The following GNB1L variants were observed in gnomAD, a reference collection of about 807,000 sequenced individuals.
GNB1L encodes G protein subunit beta 1 like.
Under a neutral mutation model 29.1 loss-of-function variants are expected in GNB1L, and 20 were observed. The observed-to-expected ratio is 0.69, with a 90% CI of 0.48 to 1.00. The LOEUF (loss-of-function observed/expected upper bound fraction) is 1.00. GNB1L is among the 50% of genes least tolerant of loss of function. GNB1L has a pLI of 0.00. For missense variants in GNB1L, 421 were observed against 464.9 expected (o/e 0.91, Z 0.87); for synonymous variants, 193 against 206.5 (o/e 0.93, Z 0.56).
At chr22:19,806,861 T>C in intron 5 of GNB1L, 104 bp from the exon 6 acceptor site, 1 of 853,290 alleles carries the variant, frequency 1.2e-6, no homozygotes, top group Non-Finnish European at 1.9e-6. Context: ...TGTGAGTTTC[T>C]GTCTGCTCCC....
At chr22:19,796,369 G>A (rs1235566013) in intron 7 of GNB1L, among the ~76,000 whole-genome samples, 5 of 152,202 alleles carry the variant, frequency 3.3e-5, no homozygotes, top group Non-Finnish European at 4.4e-5. Context: ...GTGGACACAC[G>A]GGCCTGGCGC....
In GNB1L at chr22:19,812,268, G is replaced by A. The variant is rs766667874; in HGVS notation, c.417+17C>T. The A allele has an allele frequency of 6.2e-7, 1 of 1,609,696 alleles. No individual in the cohort carries two copies. Among genetic ancestry groups the A allele is most frequent in the Non-Finnish European group, 8.5e-7 (1 of 1,178,014 alleles). On this transcript the variant is annotated intron_variant, in intron 5 of 7. Coordinates refer to ENST00000329517, the MANE Select transcript of GNB1L (RefSeq NM_053004.3). ...ACTGTTTGGAGAACATGGGGCCTCA[G>A]GCAGGCTGGCTCTCACCTCGTCGCT...
chr22:19,810,174 G>A (rs1369667646), intron 5 of GNB1L, among the ~76,000 whole-genome samples: 2 of 152,194 alleles, frequency 1.3e-5, no homozygotes, highest in South Asian at 2.1e-4. Context: ...GGGGCAGGAG[G>A]AGCCGCCCTG....
At position 19,800,707 on chromosome 22, in the gene GNB1L, ACGG is replaced by A. The variant is rs201523115; in HGVS notation, c.732+1291_732+1293del. The stretch of plus-strand genomic sequence containing the variant: ...TGTGCCCCCATCCCCAGGACAGCTG[ACGG>A]ATGGGTGAGGGATGGACACAGCTCT... On this transcript the variant is annotated intron_variant, in intron 7 of 7. Coordinates refer to ENST00000329517, the MANE Select transcript of GNB1L (RefSeq NM_053004.3). Among the ~76,000 whole-genome samples the A allele has an allele frequency of 5.2e-3, 795 of 152,308 alleles. 3 individuals carry two copies. Among genetic ancestry groups the A allele is most frequent in the African/African-American group, 0.018 (744 of 41,558 alleles).
intron 2 of GNB1L, among the ~76,000 whole-genome samples, chr22:19,843,972 G>A (rs1457132864): frequency 6.6e-6 from 1 of 152,168 alleles, no homozygotes; most frequent in African/African-American, 2.4e-5. Context: ...CACTGCCTCA[G>A]GCCAGGGGCC....
At chr22:19,812,547 G>A (rs1034683292) in intron 4 of GNB1L, 100 bp from the exon 5 acceptor site, 66 of 1,145,468 alleles carry the variant, frequency 5.8e-5, no homozygotes, top group Non-Finnish European at 7.8e-5. Context: ...TTTCCAGAGA[G>A]TGGGTGCCGT....
In GNB1L at chr22:19,822,286, C is replaced by T. The variant is rs1006866864; in HGVS notation, c.-20-911G>A. 3.9e-5 allele frequency among the ~76,000 whole-genome samples: 6 copies of T among 152,214 alleles called. No homozygotes were observed. The South Asian group carries it at 1.0e-3, about 26-fold the overall frequency. Reference sequence around the variant, plus strand: ...GAGTGGCTGGGGCAGAGTCGCCGTGCGGCTCCTTAGGAGAGCTGCGGTCAC... The same window carrying T: ...GAGTGGCTGGGGCAGAGTCGCCGTGTGGCTCCTTAGGAGAGCTGCGGTCAC... On this transcript the variant is annotated intron_variant, in intron 2 of 7. Transcript: ENST00000329517.
chr22:19,794,739 T>C (rs766594819), intron 7 of GNB1L, among the ~76,000 whole-genome samples: 94 of 152,300 alleles, frequency 6.2e-4, no homozygotes, highest in Admixed American at 1.4e-3. Context: ...ATGCTTTTCA[T>C]TGGGAGGCCG....
chr22:19,787,996 GGA>G lies in GNB1L; in HGVS notation c.*711_*712del, dbSNP rs1245747387. The G allele has an allele frequency of 6.5e-6, 1 of 154,678 alleles. No homozygotes were observed. Among genetic ancestry groups the G allele is most frequent in the African/African-American group, 2.4e-5 (1 of 41,472 alleles). The allele number at this position is 154,678 out of a possible 1,614,324, so 9.6% of individuals were successfully genotyped here. A position where few individuals can be genotyped will look rare whatever the true frequency, so the allele number is the denominator to read the frequency against. On this transcript the variant is annotated 3_prime_UTR_variant, in exon 8 of 8. Transcript: ENST00000329517. ...CGTGCCTTCTGCCCAGCACTCACCTGGAGGTGCACCCTGTGCGCCTTCCCCAC... is the reference window on the plus strand; with the variant it reads ...CGTGCCTTCTGCCCAGCACTCACCTGGGTGCACCCTGTGCGCCTTCCCCAC...
chr22:19,811,753 G>C (rs563407089), intron 5 of GNB1L, among the ~76,000 whole-genome samples: 6 of 152,130 alleles, frequency 3.9e-5, no homozygotes, highest in African/African-American at 1.2e-4. Context: ...ACCACCTTGT[G>C]CCTGCACCCA....
At chr22:19,814,355 G>A (rs1937517351) in intron 4 of GNB1L, among the ~76,000 whole-genome samples, 1 of 152,126 alleles carries the variant, frequency 6.6e-6, no homozygotes. Flanking sequence ...CGGCTTAAAC[G>A]ATCCTCCCGT....
chr22:19,810,452 G>T (rs182998341), intron 5 of GNB1L, among the ~76,000 whole-genome samples: 1 of 152,158 alleles, frequency 6.6e-6, no homozygotes, highest in Non-Finnish European at 1.5e-5. Flanking sequence ...CGCTGCAGGA[G>T]GGAGCGGGGG....
chr22:19,851,632 AGGCAGCTGAGGGGCCACT>A lies in GNB1L; in HGVS notation c.-21+2793_-21+2810del, dbSNP rs747265411. On this transcript the variant is annotated intron_variant, in intron 2 of 7. Coordinates refer to ENST00000329517, the MANE Select transcript of GNB1L (RefSeq NM_053004.3). Reference sequence around the variant, plus strand: ...ACCTAGCTAAGTATTGCCTCACCACAGGCAGCTGAGGGGCCACTGGCAGCTGGCTGGAGGCCAGGGGCA... The same window carrying A: ...ACCTAGCTAAGTATTGCCTCACCACAGGCAGCTGGCTGGAGGCCAGGGGCA... 8 of 1,593,632 alleles carry A rather than the reference AGGCAGCTGAGGGGCCACT, an allele frequency of 5.0e-6. No individual in the cohort carries two copies. In the South Asian group the frequency reaches 9.0e-5, roughly 18 times the overall value.
chr22:19,807,487 A>G (rs1011608896), intron 5 of GNB1L, among the ~76,000 whole-genome samples: 1 of 151,522 alleles, frequency 6.6e-6, no homozygotes, highest in Non-Finnish European at 1.5e-5. Flanking sequence ...TTCCCCAGGT[A>G]CAAGCGAGAG....
rs576488348 is a variant in GNB1L, at chr22:19,816,247, G to A, written c.255-3800C>T. On this transcript the variant is annotated intron_variant, in intron 4 of 7. Coordinates refer to ENST00000329517, the MANE Select transcript of GNB1L (RefSeq NM_053004.3). The surrounding 1 kb of genome is among the most constrained non-coding windows in gnomAD (Gnocchi z 4.4). ...CAGATGACACCAGTCGTCACGCTGC[G>A]AGGCACACGATGTGACCTGCCCACC... 2.8e-4 allele frequency among the ~76,000 whole-genome samples: 42 copies of A among 152,322 alleles called. No individual in the cohort carries two copies. The highest frequency in any genetic ancestry group is 5.0e-4 in the Non-Finnish European group (34 of 68,030).
chr22:19,800,977 G>T (rs1257820121), intron 7 of GNB1L, among the ~76,000 whole-genome samples: 1 of 152,206 alleles, frequency 6.6e-6, no homozygotes, highest in African/African-American at 2.4e-5. Context: ...CAGGCTTGCT[G>T]GGGCTGCGGG....
At chr22:19,792,552 C>G (rs1937263225) in intron 7 of GNB1L, 1 of 1,567,338 alleles carries the variant, frequency 6.4e-7, no homozygotes, top group African/African-American at 1.4e-5. Context: ...CACCTAGGCC[C>G]TGGACTGCCA....
chr22:19,846,480 G>A, intron 2 of GNB1L: 1 of 985,142 alleles, frequency 1.0e-6, no homozygotes, highest in Non-Finnish European at 1.2e-6. Context: ...GGGGGACTCT[G>A]CACACAGGCA....
intron 2 of GNB1L, chr22:19,852,274 G>A: frequency 6.3e-7 from 1 of 1,589,652 alleles, no homozygotes; most frequent in African/African-American, 1.3e-5. Context: ...TGGGAGCACA[G>A]GGGAGAAGAG....
Sources: allele counts gnomAD v4.1 joint callset (sites outside exome capture counted in the v4.1 genomes callset), GRCh38; gene constraint gnomAD v4.1.1; non-coding constraint Gnocchi (gnomAD v3.1); transcripts MANE v1.5; gene names NCBI Gene and HGNC (gene_info 2026-07-23, HGNC 2026-07-21).